Variants in FAT3 observed in about 807,000 individuals in gnomAD.
The protein encoded by FAT3 is FAT atypical cadherin 3.
In FAT3, 95 loss-of-function variants were observed where a neutral mutation model predicts 310.2. That is an observed-to-expected ratio of 0.31 (90% CI 0.26 to 0.36). The LOEUF (loss-of-function observed/expected upper bound fraction) is 0.36. FAT3 is among the 10% of genes least tolerant of loss of function. The pLI is 1.00. For synonymous variants in FAT3, 2,314 were observed against 2,192.9 expected, an observed-to-expected ratio of 1.06 and a Z score of -1.54; for missense variants, 5,408 against 5,715.6, an observed-to-expected ratio of 0.95 and a Z score of 1.74.
At position 92,801,302 on chromosome 11, in the gene FAT3, C is replaced by T; in HGVS notation, c.8289C>T (p.Gly2763=). Reference sequence around the variant, plus strand: ...TATTCGTCATAGAACAGGAAACAGGCACTATTAAGCTTGACAAACGCCTTG... The same window carrying T: ...TATTCGTCATAGAACAGGAAACAGGTACTATTAAGCTTGACAAACGCCTTG... ...GGIFVIEQET[G]TIKLDKRLDR... Residue 2763 remains glycine (G), a synonymous_variant, in exon 10 of 28, where the codon GGC becomes GGT. Coordinates refer to ENST00000525166, the MANE Select transcript of FAT3 (RefSeq NM_001367949.2). 1 of 1,613,910 alleles carries T rather than the reference C, an allele frequency of 6.2e-7. No homozygotes were observed. The highest frequency in any genetic ancestry group is 2.2e-5 in the East Asian group (1 of 44,850).
intron 2 of FAT3, among the ~76,000 whole-genome samples, chr11:92,517,375 A>ATGGGGACAG (rs1953522485): frequency 6.8e-6 from 1 of 148,016 alleles, no homozygotes; most frequent in Admixed American, 6.7e-5. Context: ...AACAAGTCAT[A>ATGGGGACAG]GATTCCCTAT....
At position 92,890,750 on chromosome 11, in the gene FAT3, C is replaced by T. The variant is rs2136446017; in HGVS notation, c.13407C>T (p.Ser4469=). 6.2e-7 allele frequency: 1 copy of T among 1,613,832 alleles called. No individual in the cohort carries two copies. The highest frequency in any genetic ancestry group is 1.1e-5 in the South Asian group (1 of 91,058). Residue 4469 remains serine (S), a synonymous_variant, in exon 28 of 28, where the codon TCC becomes TCT. Transcript: ENST00000525166. The part of the protein sequence containing the change: ...FPDQYEALPP[S]QPVSLASTLS... ...ACCAATATGAGGCCCTGCCACCCTC[C>T]CAGCCTGTCTCCCTGGCCAGCACAC...
intron 2 of FAT3, among the ~76,000 whole-genome samples, chr11:92,477,533 A>G (rs1381157990): frequency 6.6e-6 from 1 of 152,126 alleles, no homozygotes; most frequent in African/African-American, 2.4e-5. Flanking sequence ...GACCTTATCT[A>G]TTATCTCACT....
intron 4 of FAT3, among the ~76,000 whole-genome samples, chr11:92,728,835 T>G (rs1431745275): frequency 6.6e-6 from 1 of 152,192 alleles, no homozygotes; most frequent in African/African-American, 2.4e-5. Context: ...TGTAACCTCA[T>G]CTGCCTGTGT....
intron 22 of FAT3, among the ~76,000 whole-genome samples, chr11:92,874,018 G>T (rs767932178): frequency 1.3e-5 from 2 of 152,166 alleles, no homozygotes; most frequent in African/African-American, 4.8e-5. Flanking sequence ...TAGGGTTGTT[G>T]TAAGAATTAA....
chr11:92,355,288 G>A lies in FAT3; in HGVS notation c.3176G>A (p.Gly1059Glu). ...VGSVKENSRI[G>E]TSVLQVTARD... The stretch of plus-strand genomic sequence containing the variant: ...TCTGTAAAGGAAAACTCACGCATTG[G>A]AACAAGCGTGCTGCAGGTGACTGCT... The change falls in exon 2 of 28, where the codon GGA (glycine) becomes GAA (glutamate). Residue 1059 changes from glycine to glutamate, a missense_variant. By Grantham distance (98) the Gly-to-Glu change is moderately conservative. Around this residue, in one of 5 missense-constraint regions of FAT3, gnomAD observed 4,588 missense variants for 4,809.8 expected, o/e 0.95. Transcript: ENST00000525166. 6.2e-7 allele frequency: 1 copy of A among 1,613,810 alleles called. No individual in the cohort carries two copies. The highest frequency in any genetic ancestry group is 8.5e-7 in the Non-Finnish European group (1 of 1,179,864).
chr11:92,592,338 T>TC, intron 3 of FAT3, among the ~76,000 whole-genome samples: 1 of 149,698 alleles, frequency 6.7e-6, no homozygotes, highest in Non-Finnish European at 1.5e-5. Context: ...TTTTTTTTTT[T>TC]TGAGATAGAG....
chr11:92,711,105 A>T (rs907399888), intron 4 of FAT3, among the ~76,000 whole-genome samples: 9 of 152,214 alleles, frequency 5.9e-5, no homozygotes, highest in South Asian at 2.1e-4. Context: ...TTTTCCATAA[A>T]TTGATGATTG....
chr11:92,236,737 A>G (rs941812522), intron 1 of FAT3, among the ~76,000 whole-genome samples: 2 of 152,178 alleles, frequency 1.3e-5, no homozygotes, highest in African/African-American at 2.4e-5. Context: ...TCTTTCTTGT[A>G]CTTAAAATTT....
rs1565296555 is a variant in FAT3 at position 92,412,752 on chromosome 11, C to CACACACATATATATATATAT, written c.3292+57349_3292+57350insCACACATATATATATATATA. ...ATATATATATATATATATAAATATA[C>CACACACATATATATATATAT]ATACATATATATATATTTAATGTAA... is the stretch of plus-strand genomic sequence containing the variant. On this transcript the variant is annotated intron_variant, in intron 2 of 27. Transcript: ENST00000525166. 3.3e-3 allele frequency among the ~76,000 whole-genome samples: 80 copies of CACACACATATATATATATAT among 24,284 alleles called. 3 individuals carry two copies. The highest frequency in any genetic ancestry group is 5.5e-3 in the Non-Finnish European group (59 of 10,642). The allele number at this position is 24,284 out of a possible 152,430, so 15.9% of individuals were successfully genotyped here.
At position 92,355,232 on chromosome 11, in the gene FAT3, T is replaced by C; in HGVS notation, c.3120T>C (p.Thr1040=). ...EVVDVNENLH[T]PYFPDFAVVG... ...TGGATGTCAATGAAAACCTCCACACTCCCTATTTCCCAGACTTTGCTGTTG... is the reference window on the plus strand; with the variant it reads ...TGGATGTCAATGAAAACCTCCACACCCCCTATTTCCCAGACTTTGCTGTTG... The change falls in exon 2 of 28, where the codon ACT becomes ACC. Residue 1040 remains threonine (T), a synonymous_variant. Coordinates refer to ENST00000525166, the MANE Select transcript of FAT3 (RefSeq NM_001367949.2). 1 of 1,613,792 alleles carries C rather than the reference T, an allele frequency of 6.2e-7. No individual in the cohort carries two copies. The highest frequency in any genetic ancestry group is 1.3e-5 in the African/African-American group (1 of 75,014).
intron 2 of FAT3, among the ~76,000 whole-genome samples, chr11:92,390,911 C>T (rs1462086003): frequency 6.6e-6 from 1 of 152,126 alleles, no homozygotes; most frequent in Non-Finnish European, 1.5e-5. Flanking sequence ...ATTGGGGCCA[C>T]ATTCTGGCAA....
intron 2 of FAT3, among the ~76,000 whole-genome samples, chr11:92,409,967 C>T (rs907096067): frequency 1.3e-5 from 2 of 151,888 alleles, no homozygotes; most frequent in African/African-American, 2.4e-5. Context: ...TTTTTTGACT[C>T]ATTTGTAAGA....
At chr11:92,715,658 G>A (rs913557702) in intron 4 of FAT3, among the ~76,000 whole-genome samples, 2 of 151,854 alleles carry the variant, frequency 1.3e-5, no homozygotes, top group African/African-American at 4.8e-5. Flanking sequence ...AATAACACAG[G>A]TGAAGTACTT....
At chr11:92,512,004 A>G (rs1953306990) in intron 2 of FAT3, among the ~76,000 whole-genome samples, 1 of 152,260 alleles carries the variant, frequency 6.6e-6, no homozygotes, top group Non-Finnish European at 1.5e-5. Context: ...ATGATAATGG[A>G]CACACGTGGA....
chr11:92,256,421 GA>G (rs1427893770), intron 1 of FAT3, among the ~76,000 whole-genome samples: 1 of 151,596 alleles, frequency 6.6e-6, no homozygotes, highest in Non-Finnish European at 1.5e-5. Flanking sequence ...AAAAATATAT[GA>G]AAAAATGTGA....
intron 22 of FAT3, among the ~76,000 whole-genome samples, chr11:92,869,737 T>C (rs1949339969): frequency 6.6e-6 from 1 of 152,194 alleles, no homozygotes; most frequent in African/African-American, 2.4e-5. Flanking sequence ...AATTAAAAGG[T>C]TACTTAAAAG....
intron 2 of FAT3, among the ~76,000 whole-genome samples, chr11:92,426,938 T>A (rs1296663558): frequency 5.3e-5 from 8 of 152,212 alleles, no homozygotes; most frequent in Admixed American, 5.2e-4. Context: ...TTAATGGGTA[T>A]AGCATTGAAC....
chr11:92,449,339 A>G (rs1032631872), intron 2 of FAT3, among the ~76,000 whole-genome samples: 14 of 152,328 alleles, frequency 9.2e-5, no homozygotes, highest in Middle Eastern at 3.4e-3. Context: ...CCAGTCACAC[A>G]GAAGTGGAAA....
Sources: allele counts gnomAD v4.1 joint callset (sites outside exome capture counted in the v4.1 genomes callset), GRCh38; gene constraint gnomAD v4.1.1; regional missense constraint gnomAD v4.1.1; transcripts MANE v1.5; gene names NCBI Gene and HGNC (gene_info 2026-07-23, HGNC 2026-07-21).